GNPNAT1: variants seen among roughly 807,000 people sequenced by gnomAD.
GNPNAT1 encodes the protein glucosamine 6-phosphate N-acetyltransferase.
In GNPNAT1, 11 loss-of-function variants were observed where a neutral mutation model predicts 19.8. That is an observed-to-expected ratio of 0.56 (90% CI 0.35 to 0.92). The LOEUF (loss-of-function observed/expected upper bound fraction) is 0.92. GNPNAT1 is among the 40% of genes least tolerant of loss of function. GNPNAT1 has a pLI of 0.01. For synonymous variants in GNPNAT1, 71 were observed against 72.3 expected (o/e 0.98, Z 0.09); for missense variants, 157 against 211.0 (o/e 0.74, Z 1.59).
chr14:52,781,791 C>A lies in GNPNAT1; in HGVS notation c.338G>T (p.Cys113Phe). ...TTTATAAGCAGCACATACCTTAGCA[C>A]AGGAATGGATGAATTTATGTTCTAT... ...LIIEHKFIHS[C>F]AKRGRVEDVV... is the part of the protein sequence containing the mutation. The change falls in exon 4 of 6, where the codon TGT (cysteine) becomes TTT (phenylalanine). Residue 113 changes from cysteine to phenylalanine, a missense_variant. Coordinates refer to ENST00000216410, the MANE Select transcript of GNPNAT1 (RefSeq NM_198066.4). 1 of 1,597,136 alleles carries A rather than the reference C, an allele frequency of 6.3e-7. No individual in the cohort carries two copies. The highest frequency in any genetic ancestry group is 1.1e-5 in the South Asian group (1 of 88,112).
intron 2 of GNPNAT1, 25 bp downstream of exon 2, chr14:52,784,472 T>G: frequency 1.3e-6 from 2 of 1,505,676 alleles, no homozygotes; most frequent in Non-Finnish European, 1.8e-6. Context: ...CTAACTCTAA[T>G]TTTACACAGG....
At chr14:52,788,521 A>G (rs913593319) in intron 1 of GNPNAT1, among the ~76,000 whole-genome samples, 1 of 152,092 alleles carries the variant, frequency 6.6e-6, no homozygotes, top group African/African-American at 2.4e-5. Context: ...GTGTAATCTC[A>G]TCTGAATGGT....
At position 52,778,206 on chromosome 14, in the gene GNPNAT1, C is replaced by T; in HGVS notation, c.*105G>A. On this transcript the variant is annotated 3_prime_UTR_variant, in exon 6 of 6. Transcript: ENST00000216410. ...TGTAGTATTACAATGTTTTTTCAGT[C>T]CAGTATTTATGGAGGTCACTCGGCT... 1.3e-6 allele frequency: 1 copy of T among 785,834 alleles called. No homozygotes were observed. The highest frequency in any genetic ancestry group is 2.0e-6 in the Non-Finnish European group (1 of 504,308). 48.7% of individuals were successfully genotyped at this position (785,834 alleles called of 1,614,324 possible).
chr14:52,788,876 A>T (rs3759646), intron 1 of GNPNAT1, among the ~76,000 whole-genome samples: 57,079 of 151,674 alleles, frequency 0.38, 10,869 homozygotes, highest in South Asian at 0.41. Flanking sequence ...TAAATAATGA[A>T]TTTTAACCAG....
chr14:52,789,596 C>A (rs1169610231), intron 1 of GNPNAT1, among the ~76,000 whole-genome samples: 1 of 152,184 alleles, frequency 6.6e-6, no homozygotes, highest in East Asian at 1.9e-4. Flanking sequence ...CTGCTGGTGC[C>A]CAACTAAGGT....
Position 52,778,401 on chromosome 14 carries a change from A to G in GNPNAT1, c.465T>C (p.Leu155=). 4 of 1,609,318 alleles carry G rather than the reference A, an allele frequency of 2.5e-6. No individual in the cohort carries two copies. The highest frequency in any genetic ancestry group is 1.1e-5 in the South Asian group (1 of 90,630). The change falls in exon 6 of 6, where the codon CTT becomes CTC. Residue 155 remains leucine (L), a synonymous_variant. Coordinates refer to ENST00000216410, the MANE Select transcript of GNPNAT1 (RefSeq NM_198066.4). Reference sequence around the variant, plus strand: ...AACCAACATTTTGTGGTAGACATTCAAGGGTAATCTTGTAACAGTTCAGTT... The same window carrying G: ...AACCAACATTTTGTGGTAGACATTCGAGGGTAATCTTGTAACAGTTCAGTT... The part of the protein sequence containing the change: ...SKKLNCYKIT[L]ECLPQNVGFY...
intron 3 of GNPNAT1, among the ~76,000 whole-genome samples, chr14:52,782,286 A>G (rs1393280207): frequency 6.6e-6 from 1 of 152,058 alleles, no homozygotes; most frequent in Admixed American, 6.5e-5. Context: ...TTCAAATATA[A>G]CCTTTGCACA....
chr14:52,781,731 A>G, intron 4 of GNPNAT1, 53 bp downstream of exon 4: 1 of 1,527,462 alleles, frequency 6.5e-7, no homozygotes, highest in East Asian at 2.4e-5. Context: ...TGGAAACTCA[A>G]AGTCAGTTGT....
At chr14:52,788,974 T>G (rs1192840156) in intron 1 of GNPNAT1, among the ~76,000 whole-genome samples, 1 of 152,230 alleles carries the variant, frequency 6.6e-6, no homozygotes, top group African/African-American at 2.4e-5. Flanking sequence ...TGGCTAACAC[T>G]TATTGAAAAC....
rs192267540 is a variant in GNPNAT1, at chr14:52,784,516, A to G, written c.135T>C (p.Cys45=). The G allele has an allele frequency of 1.4e-4, 223 of 1,600,370 alleles. No homozygotes were observed. The highest frequency in any genetic ancestry group is 3.4e-5 in the Non-Finnish European group (40 of 1,175,890). ...PGEGLVLRPL[C]TADLNRGFFK... ...CATTACCTCTATTTAAGTCAGCAGTACAAAGAGGCCTCAAAACCAAGCCTT... is the reference window on the plus strand; with the variant it reads ...CATTACCTCTATTTAAGTCAGCAGTGCAAAGAGGCCTCAAAACCAAGCCTT... Residue 45 remains cysteine (C), a synonymous_variant, in exon 2 of 6, where the codon TGT becomes TGC. Coordinates refer to ENST00000216410, the MANE Select transcript of GNPNAT1 (RefSeq NM_198066.4).
Position 52,776,622 on chromosome 14 carries a change from C to G in GNPNAT1, c.*1689G>C, listed in dbSNP as rs1882730513. 1 of 152,246 alleles carries G rather than the reference C, an allele frequency of 6.6e-6. No individual in the cohort carries two copies. The highest frequency in any genetic ancestry group is 1.5e-5 in the Non-Finnish European group (1 of 68,100). 9.4% of individuals were successfully genotyped at this position (152,246 alleles called of 1,614,324 possible). On this transcript the variant is annotated 3_prime_UTR_variant, in exon 6 of 6. Transcript: ENST00000216410. ...CCAGGCTGGAGTGCAGTGGTGTGATCTCAGCTCACTGCAACCTTTGCCTCC... is the reference window on the plus strand; with the variant it reads ...CCAGGCTGGAGTGCAGTGGTGTGATGTCAGCTCACTGCAACCTTTGCCTCC...
At chr14:52,780,944 T>C (rs185494235) in intron 4 of GNPNAT1, among the ~76,000 whole-genome samples, 1 of 152,178 alleles carries the variant, frequency 6.6e-6, no homozygotes, top group East Asian at 1.9e-4. Context: ...TAGAATATTC[T>C]GTAATAGCTG....
In GNPNAT1 at chr14:52,780,707, C is replaced by A; in HGVS notation, c.379G>T (p.Glu127Ter). ...GRVEDVVVSD[E>*]CRGKQLGKLL... Reference sequence around the variant, plus strand: ...TTGCCAAGCTGCTTTCCTCTGCATTCATCACTAACAACAACATCTTCTACT... The same window carrying A: ...TTGCCAAGCTGCTTTCCTCTGCATTAATCACTAACAACAACATCTTCTACT... Residue 127 changes from glutamate (E) to a stop codon, truncating the protein, a stop_gained, in exon 5 of 6, where the codon GAA (glutamate) becomes TAA (stop). Transcript: ENST00000216410. LOFTEE classifies it high-confidence loss of function. 1 of 1,606,492 alleles carries A rather than the reference C, an allele frequency of 6.2e-7. No homozygotes were observed. Among genetic ancestry groups the A allele is most frequent in the Non-Finnish European group, 8.5e-7 (1 of 1,173,740 alleles).
At chr14:52,781,757 TC>T in intron 4 of GNPNAT1, 26 bp downstream of exon 4, 1 of 1,563,270 alleles carries the variant, frequency 6.4e-7, no homozygotes, top group Non-Finnish European at 8.6e-7. Context: ...AAAACAGCTG[TC>T]CATTTTATTT....
intron 3 of GNPNAT1, 63 bp from the exon 4 acceptor site, chr14:52,781,974 AATATT>A (rs993501560): frequency 1.4e-6 from 2 of 1,433,962 alleles, no homozygotes; most frequent in Non-Finnish European, 1.9e-6. Flanking sequence ...GAGCCAGAAA[AATATT>A]AGGATTAGCT....
At chr14:52,778,560 G>T in intron 5 of GNPNAT1, 102 bp from the exon 6 acceptor site, 1 of 1,023,166 alleles carries the variant, frequency 9.8e-7, no homozygotes. Flanking sequence ...AGTTTCCTTA[G>T]AAACAGGTTT....
chr14:52,781,787 A>G lies in GNPNAT1; in HGVS notation c.342T>C (p.Ala114=), dbSNP rs765669894. 3.8e-6 allele frequency: 6 copies of G among 1,594,970 alleles called. No individual in the cohort carries two copies. In the South Asian group the frequency reaches 5.7e-5, roughly 15 times the overall value. The change falls in exon 4 of 6, where the codon GCT becomes GCC. Residue 114 remains alanine, a synonymous_variant. Transcript: ENST00000216410. ...IIEHKFIHSC[A]KRGRVEDVVV... is the part of the protein sequence containing the mutation. ...TTTATTTATAAGCAGCACATACCTT[A>G]GCACAGGAATGGATGAATTTATGTT...
chr14:52,778,256 AG>A lies in GNPNAT1; in HGVS notation c.*54del. On this transcript the variant is annotated 3_prime_UTR_variant, in exon 6 of 6. Transcript: ENST00000216410. ...TGCAGCAACAAAATATTTCAACTCTAGGAAGAGTGTAGCCTTGTAGCATTAG... is the reference window on the plus strand; with the variant it reads ...TGCAGCAACAAAATATTTCAACTCTAGAAGAGTGTAGCCTTGTAGCATTAG... The A allele has an allele frequency of 7.4e-7, 1 of 1,353,166 alleles. No individual in the cohort carries two copies. The highest frequency in any genetic ancestry group is 1.5e-5 in the African/African-American group (1 of 67,088). The allele number at this position is 1,353,166 out of a possible 1,614,324, so 83.8% of individuals were successfully genotyped here.
At position 52,786,381 on chromosome 14, in the gene GNPNAT1, G is replaced by A. The variant is rs928198118; in HGVS notation, c.-14-1717C>T. 2.6e-5 allele frequency among the ~76,000 whole-genome samples: 4 copies of A among 151,864 alleles called. 1 individual carries two copies. The East Asian group carries it at 7.9e-4, about 30-fold the overall frequency. On this transcript the variant is annotated intron_variant, in intron 1 of 5. Transcript: ENST00000216410. ...TAGCCAGGTGTGGTGGTGGCCACCT[G>A]TAATCCCAGCTACTTGGGAGGCTGA...
Sources: gnomAD v4.1 joint callset for allele counts (sites outside exome capture counted in the v4.1 genomes callset) on GRCh38, gnomAD v4.1.1 for gene constraint, MANE v1.5 for transcripts, NCBI Gene and HGNC (gene_info 2026-07-23, HGNC 2026-07-21) for gene names.